The following KIAA0825 variants were observed in gnomAD, a reference collection of about 807,000 sequenced individuals.
KIAA0825 encodes the protein uncharacterized protein KIAA0825.
A neutral mutation model predicts 147.6 loss-of-function variants in KIAA0825; 119 were observed. The ratio of observed to expected loss-of-function variants is 0.81; its 90% confidence interval spans 0.69 to 0.94. KIAA0825 has a LOEUF of 0.94. Among genes scored for constraint, KIAA0825 ranks in the 40% least tolerant of loss-of-function variants. The pLI is 0.00. For missense variants in KIAA0825, 1,381 were observed against 1,472.7 expected (o/e 0.94, Z 1.02); for synonymous variants, 470 against 518.1 (o/e 0.91, Z 1.26).
intron 20 of KIAA0825, among the ~76,000 whole-genome samples, chr5:94,266,573 G>A (rs1416662937): frequency 3.3e-5 from 5 of 152,056 alleles, no homozygotes; most frequent in African/African-American, 7.2e-5. Flanking sequence ...ATTTCTGTGC[G>A]AGGTCATATT....
intron 5 of KIAA0825, among the ~76,000 whole-genome samples, chr5:94,518,027 G>A (rs186781634): frequency 1.8e-3 from 267 of 152,204 alleles, no homozygotes; most frequent in African/African-American, 6.1e-3. Context: ...AGGATTAAAA[G>A]AGATAATGCA....
chr5:94,511,421 G>A (rs1414265536), intron 5 of KIAA0825, among the ~76,000 whole-genome samples: 1 of 152,182 alleles, frequency 6.6e-6, no homozygotes, highest in Non-Finnish European at 1.5e-5. Flanking sequence ...AGGAGTTCCA[G>A]ACCAGCCTGA....
chr5:94,572,580 T>A (rs1469324088), intron 2 of KIAA0825, among the ~76,000 whole-genome samples: 1 of 152,174 alleles, frequency 6.6e-6, no homozygotes, highest in Non-Finnish European at 1.5e-5. Flanking sequence ...AATCTGCAAT[T>A]CATTAAAAAT....
intron 20 of KIAA0825, among the ~76,000 whole-genome samples, chr5:94,283,193 A>C (rs1777534687): frequency 6.6e-6 from 1 of 152,096 alleles, no homozygotes; most frequent in East Asian, 1.9e-4. Context: ...GAGTAATAAT[A>C]ATACTACTCT....
At chr5:94,460,918 G>A (rs957813381) in intron 12 of KIAA0825, among the ~76,000 whole-genome samples, 1 of 151,816 alleles carries the variant, frequency 6.6e-6, no homozygotes, top group Non-Finnish European at 1.5e-5. Flanking sequence ...CTAGATTTTT[G>A]TTCATGCTTC....
chr5:94,447,699 C>A (rs1041572976), intron 13 of KIAA0825, among the ~76,000 whole-genome samples: 1 of 151,952 alleles, frequency 6.6e-6, no homozygotes, highest in Non-Finnish European at 1.5e-5. Flanking sequence ...ACCCACATAG[C>A]ATGTAATATG....
intron 20 of KIAA0825, among the ~76,000 whole-genome samples, chr5:94,233,938 T>G (rs1774878952): frequency 6.6e-6 from 1 of 152,234 alleles, no homozygotes; most frequent in South Asian, 2.1e-4. Flanking sequence ...ATCTAATGAC[T>G]TGAAGGTTTG....
chr5:94,240,879 G>A (rs1181110779), intron 20 of KIAA0825, among the ~76,000 whole-genome samples: 2 of 152,018 alleles, frequency 1.3e-5, no homozygotes, highest in Non-Finnish European at 2.9e-5. Context: ...ATTCCTTTAT[G>A]TTTCAATAAT....
intron 2 of KIAA0825, among the ~76,000 whole-genome samples, chr5:94,562,450 G>A (rs1162049761): frequency 6.6e-6 from 1 of 152,128 alleles, no homozygotes; most frequent in Non-Finnish European, 1.5e-5. Context: ...GCAAATAATA[G>A]AGAGTGTCAG....
intron 20 of KIAA0825, among the ~76,000 whole-genome samples, chr5:94,213,405 A>G (rs1193998376): frequency 6.6e-6 from 1 of 152,172 alleles, no homozygotes; most frequent in Non-Finnish European, 1.5e-5. Context: ...CCAAATTGGT[A>G]TTGCAGTCTC....
intron 13 of KIAA0825, among the ~76,000 whole-genome samples, chr5:94,443,640 T>C (rs1757386104): frequency 6.6e-6 from 1 of 152,216 alleles, no homozygotes; most frequent in South Asian, 2.1e-4. Context: ...TATAAAATCA[T>C]TGTGAAAAAT....
intron 20 of KIAA0825, among the ~76,000 whole-genome samples, chr5:94,219,776 C>T (rs1169977900): frequency 6.6e-6 from 1 of 152,040 alleles, no homozygotes; most frequent in Non-Finnish European, 1.5e-5. Flanking sequence ...GATAATGGTG[C>T]ACCTTTATAG....
At chr5:94,545,488 G>A (rs958157469) in intron 2 of KIAA0825, among the ~76,000 whole-genome samples, 1 of 152,140 alleles carries the variant, frequency 6.6e-6, no homozygotes, top group African/African-American at 2.4e-5. Flanking sequence ...GAAGAGTAAA[G>A]AGGACTTTGT....
chr5:94,508,742 CACTTCATTTCCTAT>C (rs1766086013), intron 5 of KIAA0825, among the ~76,000 whole-genome samples: 1 of 152,146 alleles, frequency 6.6e-6, no homozygotes, highest in Non-Finnish European at 1.5e-5. Flanking sequence ...CACTTATTGC[CACTTCATTTCCTAT>C]GTGCTCTGTC....
intron 2 of KIAA0825, chr5:94,567,386 T>C (rs1778893883): frequency 6.6e-6 from 1 of 152,174 alleles, no homozygotes; most frequent in South Asian, 2.1e-4. Flanking sequence ...AATACCATGA[T>C]GGAACACTTA....
intron 20 of KIAA0825, among the ~76,000 whole-genome samples, chr5:94,194,596 C>T (rs1325015310): frequency 6.6e-6 from 1 of 152,208 alleles, no homozygotes; most frequent in Non-Finnish European, 1.5e-5. Context: ...CTGTCAGGGC[C>T]ACCACCAGGC....
Position 94,476,270 on chromosome 5 carries a change from C to T in KIAA0825, c.1227+841G>A, listed in dbSNP as rs552267871. On this transcript the variant is annotated intron_variant, in intron 7 of 20. Transcript: ENST00000682413. The stretch of plus-strand genomic sequence containing the variant: ...GAATTTTAATGTAGGGTTTTGGTTA[C>T]CTGCATGATGGAAGATTTGAGAAGT... 2.8e-4 allele frequency among the ~76,000 whole-genome samples: 43 copies of T among 152,240 alleles called. No homozygotes were observed. The South Asian group carries it at 8.1e-3, about 29-fold the overall frequency.
At chr5:94,518,348 G>C (rs533183084) in intron 5 of KIAA0825, among the ~76,000 whole-genome samples, 1 of 152,184 alleles carries the variant, frequency 6.6e-6, no homozygotes, top group South Asian at 2.1e-4. Flanking sequence ...CACAGAACAT[G>C]GTAGCTGCTA....
chr5:94,356,798 C>T (rs1166750573), intron 20 of KIAA0825, among the ~76,000 whole-genome samples: 7 of 132,524 alleles, frequency 5.3e-5, no homozygotes, highest in Non-Finnish European at 1.1e-4. Flanking sequence ...GATCTTGGCT[C>T]ACTGCAACCT....
Sources: allele counts gnomAD v4.1 joint callset (sites outside exome capture counted in the v4.1 genomes callset), GRCh38; gene constraint gnomAD v4.1.1; transcripts MANE v1.5; gene names NCBI Gene and HGNC (gene_info 2026-07-23, HGNC 2026-07-21).